Variants in TRPV3 observed in about 807,000 individuals in gnomAD.
TRPV3 encodes VRL-3.
In TRPV3, 88 loss-of-function variants were observed where a neutral mutation model predicts 87.1. That is an observed-to-expected ratio of 1.01 (90% confidence interval 0.85 to 1.21). The LOEUF is 1.21. Ranked by LOEUF, TRPV3 falls within the 50% of genes most tolerant of loss-of-function variation. The pLI is 0.00. For missense variants in TRPV3, 1,054 were observed against 1,030.1 expected (o/e 1.02, Z -0.32); for synonymous variants, 438 against 423.3 (o/e 1.03, Z -0.43).
rs533819599 is a variant in TRPV3 at position 3,518,298 on chromosome 17, G to A, written c.2085+278C>T. Among the ~76,000 whole-genome samples, 2 of 152,288 alleles carry A rather than the reference G, an allele frequency of 1.3e-5. No individual in the cohort carries two copies. The highest frequency in any genetic ancestry group is 4.8e-5 in the African/African-American group (2 of 41,568). On this transcript the variant is annotated intron_variant, in intron 15 of 17. Coordinates refer to ENST00000576742, the MANE Select transcript of TRPV3 (RefSeq NM_145068.4). This position sits in a 1 kb window ranked among gnomAD's most constrained non-coding sequence, Gnocchi z 4.3. ...CTGTACTCCTCTTAATGCAACCTAA[G>A]GTCAAACTTCAACATCCACACATCA...
At chr17:3,526,099 A>G (rs73315094) in intron 12 of TRPV3, among the ~76,000 whole-genome samples, 5,573 of 152,248 alleles carry the variant, frequency 0.037, 266 homozygotes, top group African/African-American at 0.1. Context: ...CAACACAGGC[A>G]CGATTGTAAG....
intron 6 of TRPV3, among the ~76,000 whole-genome samples, chr17:3,536,606 A>T (rs1459350961): frequency 6.6e-6 from 1 of 151,786 alleles, no homozygotes; most frequent in Non-Finnish European, 1.5e-5. Context: ...AAACAAACAA[A>T]CAAAAAAATG....
At chr17:3,525,165 ACC>A (rs60443829) in intron 12 of TRPV3, among the ~76,000 whole-genome samples, 4 of 151,786 alleles carry the variant, frequency 2.6e-5, no homozygotes, top group Middle Eastern at 3.4e-3. Flanking sequence ...GATTACAGGC[ACC>A]CGCCACCACA....
At chr17:3,544,779 T>C (rs2074507990) in intron 3 of TRPV3, 114 bp from the exon 4 acceptor site, 1 of 727,708 alleles carries the variant, frequency 1.4e-6, no homozygotes, top group South Asian at 1.6e-5. Flanking sequence ...GGTGGATCAC[T>C]TGAGGTCAGG....
Position 3,535,668 on chromosome 17 carries a change from ATG to A in TRPV3, c.687_688del (p.Ile230ArgfsTer33). 6.3e-7 allele frequency: 1 copy of A among 1,598,360 alleles called. No homozygotes were observed. Among genetic ancestry groups the A allele is most frequent in the South Asian group, 1.1e-5 (1 of 89,350 alleles). On this transcript the variant is annotated frameshift_variant, in exon 7 of 18. Coordinates refer to ENST00000576742, the MANE Select transcript of TRPV3 (RefSeq NM_145068.4). LOFTEE classifies it high-confidence loss of function. ...GCCGGCGGCGATGAGCAGGGCTGCG[ATG>A]TCCCCCTGCCGCCGCTCGATGGCGA...
intron 14 of TRPV3, among the ~76,000 whole-genome samples, chr17:3,519,850 C>CTGGATGGATGGA (rs61346728): frequency 5.1e-4 from 55 of 107,780 alleles, no homozygotes; most frequent in East Asian, 3.2e-3. Flanking sequence ...GGATGGATGA[C>CTGGATGGATGGA]TGGATGGATG....
chr17:3,545,989 CAA>C lies in TRPV3; in HGVS notation c.120-720_120-719del, dbSNP rs376341464. On this transcript the variant is annotated intron_variant, in intron 2 of 17. Transcript: ENST00000576742. ...TGCGTGACAGAGCAGGACTCCGTCT[CAA>C]AAAAAAAAAAAAAAAAGAAAGAAAA... 5.9e-3 allele frequency among the ~76,000 whole-genome samples: 673 copies of C among 113,918 alleles called. 8 individuals carry two copies. Among genetic ancestry groups the C allele is most frequent in the South Asian group, 0.028 (96 of 3,442 alleles). The allele number at this position is 113,918 out of a possible 152,430, so 74.7% of individuals were successfully genotyped here.
intron 9 of TRPV3, among the ~76,000 whole-genome samples, chr17:3,529,396 C>G (rs2074329005): frequency 6.6e-6 from 1 of 152,124 alleles, no homozygotes; most frequent in Non-Finnish European, 1.5e-5. Flanking sequence ...CCCTACCAAC[C>G]AGGCTGCTGT....
chr17:3,543,489 C>T lies in TRPV3; in HGVS notation c.451G>A (p.Asp151Asn). The T allele has an allele frequency of 6.2e-7, 1 of 1,613,484 alleles. No homozygotes were observed. The highest frequency in any genetic ancestry group is 8.5e-7 in the Non-Finnish European group (1 of 1,180,004). The change falls in exon 5 of 18, where the codon GAT (aspartate) becomes AAT (asparagine). Residue 151 changes from aspartate to asparagine, a missense_variant. By Grantham distance (23) the Asp-to-Asn change is conservative. Coordinates refer to ENST00000576742, the MANE Select transcript of TRPV3 (RefSeq NM_145068.4). The part of the protein sequence containing the change: ...ELQELCRRRH[D>N]EDVPDFLMHK... ...AGACACTCACCAGGCACATCCTCAT[C>T]ATGGCGCCGCCTGCAAAGCTCCTGC...
intron 15 of TRPV3, among the ~76,000 whole-genome samples, chr17:3,517,545 G>C (rs961272966): frequency 1.5e-4 from 22 of 150,880 alleles, no homozygotes; most frequent in African/African-American, 5.3e-4. Context: ...CTTGAGCCCG[G>C]GAGGCAGAGT....
intron 2 of TRPV3, among the ~76,000 whole-genome samples, chr17:3,551,541 G>A (rs945222687): frequency 6.6e-6 from 1 of 152,222 alleles, no homozygotes; most frequent in Non-Finnish European, 1.5e-5. Context: ...TAAAGTCGAA[G>A]AACTGTCCCT....
chr17:3,514,135 G>C (rs1469935262), intron 17 of TRPV3, 124 bp from the exon 18 acceptor site: 2 of 796,184 alleles, frequency 2.5e-6, no homozygotes, highest in Non-Finnish European at 3.8e-6. Context: ...CTGCAGTGCA[G>C]TGGTGTGATC....
At chr17:3,523,703 G>T (rs2074267209) in intron 13 of TRPV3, among the ~76,000 whole-genome samples, 1 of 141,630 alleles carries the variant, frequency 7.1e-6, no homozygotes, top group East Asian at 2.0e-4. Flanking sequence ...GGGCAGCAGA[G>T]CAAGACTTGG....
intron 16 of TRPV3, among the ~76,000 whole-genome samples, chr17:3,515,721 C>G (rs1170104235): frequency 6.6e-6 from 1 of 151,812 alleles, no homozygotes; most frequent in East Asian, 1.9e-4. Context: ...AGCCAGAGAT[C>G]TGTCAAAGTA....
chr17:3,526,734 C>G, intron 12 of TRPV3, 120 bp downstream of exon 12: 1 of 775,082 alleles, frequency 1.3e-6, no homozygotes. Flanking sequence ...GTAACCATGG[C>G]AGAGTGACTG....
Position 3,528,240 on chromosome 17 carries a change from A to G in TRPV3, c.1402-114T>C. On this transcript the variant is annotated intron_variant, in intron 10 of 17. Transcript: ENST00000576742. This position sits in a 1 kb window ranked among gnomAD's most constrained non-coding sequence, Gnocchi z 4.2. ...CACTCAAGCCGGGCCAGAGACCAGC[A>G]TGAAACCTGATCTCTGTACAGGGCA... The G allele has an allele frequency of 1.4e-6, 1 of 699,606 alleles. No individual in the cohort carries two copies. The highest frequency in any genetic ancestry group is 2.4e-6 in the Non-Finnish European group (1 of 420,508). 43.3% of individuals were successfully genotyped at this position (699,606 alleles called of 1,614,324 possible). A position where few individuals can be genotyped will look rare whatever the true frequency, so the allele number is the denominator to read the frequency against.
At chr17:3,525,169 G>T (rs186079060) in intron 12 of TRPV3, among the ~76,000 whole-genome samples, 1 of 151,574 alleles carries the variant, frequency 6.6e-6, no homozygotes, top group Non-Finnish European at 1.5e-5. Flanking sequence ...ACAGGCACCC[G>T]CCACCACACC....
intron 14 of TRPV3, among the ~76,000 whole-genome samples, chr17:3,520,705 G>A (rs2074237654): frequency 1.3e-5 from 2 of 152,136 alleles, no homozygotes; most frequent in South Asian, 4.1e-4. Context: ...TAATGTAAAT[G>A]ACGAGTTAAT....
At chr17:3,550,520 C>T (rs1228402085) in intron 2 of TRPV3, among the ~76,000 whole-genome samples, 10 of 92,184 alleles carry the variant, frequency 1.1e-4, no homozygotes, top group South Asian at 4.2e-4. Flanking sequence ...CCTGCCTGCT[C>T]TTTTTTTTTT....
Sources: allele counts gnomAD v4.1 joint callset (sites outside exome capture counted in the v4.1 genomes callset), GRCh38; gene constraint gnomAD v4.1.1; non-coding constraint Gnocchi (gnomAD v3.1); transcripts MANE v1.5; gene names NCBI Gene and HGNC (gene_info 2026-07-23, HGNC 2026-07-21).